The following ENOX1 variants were observed in gnomAD, a reference collection of about 807,000 sequenced individuals.
ENOX1 encodes the protein candidate growth-related and time keeping constitutive hydroquinone (NADH) oxidase.
A neutral mutation model predicts 82.5 loss-of-function variants in ENOX1; 42 were observed. The observed-to-expected ratio is 0.51, with a 90% CI of 0.40 to 0.66. The LOEUF is 0.66. ENOX1 is among the 30% of genes least tolerant of loss of function. The pLI is 0.00. For missense variants in ENOX1, 608 were observed against 811.6 expected, an observed-to-expected ratio of 0.75 and a Z score of 3.05; for synonymous variants, 271 against 282.2, an observed-to-expected ratio of 0.96 and a Z score of 0.40.
chr13:43,487,048 G>A (rs1394004181), intron 2 of ENOX1, among the ~76,000 whole-genome samples: 2 of 152,200 alleles, frequency 1.3e-5, no homozygotes, highest in South Asian at 2.1e-4. Flanking sequence ...GTGCATGCCT[G>A]TAATCCCAGC....
chr13:43,622,419 T>G (rs1373298984), intron 2 of ENOX1, among the ~76,000 whole-genome samples: 1 of 152,188 alleles, frequency 6.6e-6, no homozygotes, highest in Non-Finnish European at 1.5e-5. Context: ...TTGTTCAGAT[T>G]CTTTTGTCTC....
rs1217399086 is a variant in ENOX1 at position 43,251,201 on chromosome 13, A to T, written c.1611+14197T>A. Among the ~76,000 whole-genome samples, 3 of 152,266 alleles carry T rather than the reference A, an allele frequency of 2.0e-5. No individual in the cohort carries two copies. The South Asian group carries it at 6.2e-4, about 31-fold the overall frequency. ...ACCTGTAAAATAAGAAAGTTGGATG[A>T]TGTGATCTCTACCACCTCAGTTTTA... On this transcript the variant is annotated intron_variant, in intron 14 of 16. Coordinates refer to ENST00000690772, the MANE Select transcript of ENOX1 (RefSeq NM_001347969.2).
intron 1 of ENOX1, among the ~76,000 whole-genome samples, chr13:43,773,528 C>A (rs1951760101): frequency 6.6e-6 from 1 of 152,180 alleles, no homozygotes; most frequent in Non-Finnish European, 1.5e-5. Flanking sequence ...TACTCTCCAG[C>A]CACACTGGCC....
At chr13:43,678,055 G>A (rs1242766123) in intron 1 of ENOX1, among the ~76,000 whole-genome samples, 1 of 152,064 alleles carries the variant, frequency 6.6e-6, no homozygotes, top group African/African-American at 2.4e-5. Flanking sequence ...TGGAAATCTG[G>A]GAGGTGCTAT....
At chr13:43,445,414 C>T (rs541039253) in intron 3 of ENOX1, among the ~76,000 whole-genome samples, 3 of 152,250 alleles carry the variant, frequency 2.0e-5, no homozygotes, top group East Asian at 3.9e-4. Context: ...TGAGCCACTG[C>T]CCCCGGCCCA....
At chr13:43,637,658 A>C (rs2083464385) in intron 2 of ENOX1, among the ~76,000 whole-genome samples, 1 of 152,080 alleles carries the variant, frequency 6.6e-6, no homozygotes, top group African/African-American at 2.4e-5. Flanking sequence ...CAAGACTTAA[A>C]GAATAGCACT....
intron 2 of ENOX1, among the ~76,000 whole-genome samples, chr13:43,495,586 T>A (rs1383279807): frequency 6.7e-6 from 1 of 150,070 alleles, no homozygotes; most frequent in African/African-American, 2.4e-5. Context: ...TTATCCATTC[T>A]CCTGTCTATG....
chr13:43,695,600 A>G (rs2086600947), intron 1 of ENOX1, among the ~76,000 whole-genome samples: 1 of 151,952 alleles, frequency 6.6e-6, no homozygotes, highest in Non-Finnish European at 1.5e-5. Flanking sequence ...GGCATGCACC[A>G]CCGTGCCCAG....
chr13:43,724,648 T>C (rs1300993730), intron 1 of ENOX1, among the ~76,000 whole-genome samples: 1 of 152,248 alleles, frequency 6.6e-6, no homozygotes, highest in African/African-American at 2.4e-5. Context: ...GCCTTTGTAT[T>C]GTAACTCTGG....
At chr13:43,328,219 G>A (rs1247935195) in intron 9 of ENOX1, among the ~76,000 whole-genome samples, 1 of 152,180 alleles carries the variant, frequency 6.6e-6, no homozygotes, top group Non-Finnish European at 1.5e-5. Flanking sequence ...TGGCAGAGGA[G>A]AGAACCTGTT....
At chr13:43,369,160 T>C (rs1322467548) in intron 5 of ENOX1, among the ~76,000 whole-genome samples, 1 of 152,226 alleles carries the variant, frequency 6.6e-6, no homozygotes, top group African/African-American at 2.4e-5. Context: ...TCTGATTCTC[T>C]TTCCCACTGT....
chr13:43,616,163 T>TATAG (rs1158214642), intron 2 of ENOX1, among the ~76,000 whole-genome samples: 20 of 5,174 alleles, frequency 3.9e-3, no homozygotes, highest in Admixed American at 6.0e-3. Flanking sequence ...GATAGATATC[T>TATAG]ATCTATCTAT....
At chr13:43,774,075 G>A (rs1424316966) in intron 1 of ENOX1, among the ~76,000 whole-genome samples, 1 of 152,286 alleles carries the variant, frequency 6.6e-6, no homozygotes, top group Non-Finnish European at 1.5e-5. Flanking sequence ...ACAGAAAACA[G>A]CTTCTCTAAC....
chr13:43,541,815 C>T (rs777976813), intron 2 of ENOX1, among the ~76,000 whole-genome samples: 3 of 152,090 alleles, frequency 2.0e-5, no homozygotes, highest in Admixed American at 6.5e-5. Flanking sequence ...CATTATTGGG[C>T]CTGCATTCCA....
In ENOX1 at chr13:43,478,062, T is replaced by TG. The variant is rs1183134471; in HGVS notation, c.-75+5946_-75+5947insC. ...GGCAAGGAGCCAGAGAGGTTTTTTT[T>TG]TTTTTTTTTTTTTTTTTTCATTTTT... On this transcript the variant is annotated intron_variant, in intron 3 of 16. Coordinates refer to ENST00000690772, the MANE Select transcript of ENOX1 (RefSeq NM_001347969.2). Among the ~76,000 whole-genome samples the TG allele has an allele frequency of 9.4e-5, 14 of 149,342 alleles. 1 individual carries two copies. Among genetic ancestry groups the TG allele is most frequent in the South Asian group, 4.2e-4 (2 of 4,722 alleles).
chr13:43,747,198 T>A (rs1950069317), intron 1 of ENOX1, among the ~76,000 whole-genome samples: 1 of 152,142 alleles, frequency 6.6e-6, no homozygotes, highest in Non-Finnish European at 1.5e-5. Flanking sequence ...GAGATTCAAG[T>A]AACAAACAAC....
At chr13:43,378,482 G>A (rs189985164) in intron 5 of ENOX1, among the ~76,000 whole-genome samples, 61 of 152,248 alleles carry the variant, frequency 4.0e-4, no homozygotes, top group Admixed American at 3.3e-3. Context: ...CACCCAAAAG[G>A]TTTAGAAGGA....
intron 2 of ENOX1, among the ~76,000 whole-genome samples, chr13:43,581,523 C>T (rs1372756417): frequency 6.6e-6 from 1 of 152,150 alleles, no homozygotes; most frequent in Non-Finnish European, 1.5e-5. Flanking sequence ...CTTACATATA[C>T]AATTAAAAAT....
intron 2 of ENOX1, among the ~76,000 whole-genome samples, chr13:43,521,408 GAGGCTCATGTC>G (rs948643773): frequency 2.3e-4 from 35 of 152,180 alleles, no homozygotes; most frequent in African/African-American, 8.4e-4. Flanking sequence ...ACTGATATCA[GAGGCTCATGTC>G]AGGCTGCTTA....
Sources: gnomAD v4.1 joint callset for allele counts (sites outside exome capture counted in the v4.1 genomes callset) on GRCh38, gnomAD v4.1.1 for gene constraint, MANE v1.5 for transcripts, NCBI Gene and HGNC (gene_info 2026-07-23, HGNC 2026-07-21) for gene names.